Variants in XRCC4 observed in about 807,000 individuals in gnomAD.
The protein encoded by XRCC4 is X-ray repair cross complementing 4, also known as DNA repair protein XRCC4.
In XRCC4, 28 loss-of-function variants were observed where a neutral mutation model predicts 39.1. The ratio of observed to expected loss-of-function variants is 0.72; its 90% confidence interval spans 0.53 to 0.98. XRCC4 has a LOEUF of 0.98. Among genes scored for constraint, XRCC4 ranks in the 50% least tolerant of loss-of-function variants. The pLI, the probability that XRCC4 is intolerant of heterozygous loss-of-function variation, is 0.00. For synonymous variants in XRCC4, 123 were observed against 126.4 expected, an observed-to-expected ratio of 0.97 and a Z score of 0.18; for missense variants, 350 against 376.4, an observed-to-expected ratio of 0.93 and a Z score of 0.58.
intron 6 of XRCC4, among the ~76,000 whole-genome samples, chr5:83,219,421 C>A (rs1332615877): frequency 6.6e-6 from 1 of 151,942 alleles, no homozygotes; most frequent in Non-Finnish European, 1.5e-5. Context: ...GGACCATATT[C>A]CAAAAATGAT....
chr5:83,151,228 T>C (rs1580296793), intron 3 of XRCC4, among the ~76,000 whole-genome samples: 1 of 152,220 alleles, frequency 6.6e-6, no homozygotes, highest in East Asian at 1.9e-4. Flanking sequence ...AAATCATAAA[T>C]ATGACAGTAT....
chr5:83,182,019 T>G (rs1302455816), intron 3 of XRCC4, among the ~76,000 whole-genome samples: 1 of 152,178 alleles, frequency 6.6e-6, no homozygotes, highest in Non-Finnish European at 1.5e-5. Flanking sequence ...GATAGATATA[T>G]GTTAAAATAA....
intron 3 of XRCC4, among the ~76,000 whole-genome samples, chr5:83,165,746 C>T (rs1282732741): frequency 6.6e-6 from 1 of 152,104 alleles, no homozygotes; most frequent in Non-Finnish European, 1.5e-5. Flanking sequence ...ATTTGGTTTT[C>T]TGTTTCTGTA....
chr5:83,307,279 G>T (rs1426035345), intron 7 of XRCC4, among the ~76,000 whole-genome samples: 1 of 152,128 alleles, frequency 6.6e-6, no homozygotes, highest in African/African-American at 2.4e-5. Flanking sequence ...TTGATGCTTG[G>T]AGGGGCAGAG....
intron 2 of XRCC4, 106 bp downstream of exon 2, chr5:83,105,164 A>T: frequency 8.9e-7 from 1 of 1,121,356 alleles, no homozygotes; most frequent in Middle Eastern, 2.3e-4. Flanking sequence ...TATTAATTTT[A>T]CTTGCTATTG....
At chr5:83,321,372 C>G (rs1756067621) in intron 7 of XRCC4, among the ~76,000 whole-genome samples, 1 of 152,086 alleles carries the variant, frequency 6.6e-6, no homozygotes, top group South Asian at 2.1e-4. Flanking sequence ...CAATTTTCAT[C>G]AGATATTTTG....
the XRCC4 span, among the ~76,000 whole-genome samples, chr5:83,367,240 T>G: frequency 6.6e-6 from 1 of 152,230 alleles, no homozygotes; most frequent in East Asian, 1.9e-4. Context: ...TAAATCTCAC[T>G]TGAGAGGTTG....
chr5:83,144,277 G>GTGTGTGTA (rs1403764391), intron 3 of XRCC4, among the ~76,000 whole-genome samples: 1 of 138,458 alleles, frequency 7.2e-6, no homozygotes, highest in Non-Finnish European at 1.5e-5. Flanking sequence ...CTGTGTGTGT[G>GTGTGTGTA]TGTGTGTGTG....
intron 7 of XRCC4, among the ~76,000 whole-genome samples, chr5:83,285,991 C>G (rs188700494): frequency 7.7e-4 from 117 of 152,174 alleles, no homozygotes; most frequent in Non-Finnish European, 1.4e-3. Context: ...TAAGATATCC[C>G]CTGTGCTTGG....
chr5:83,194,269 G>T (rs1380703360), intron 3 of XRCC4, among the ~76,000 whole-genome samples: 1 of 152,058 alleles, frequency 6.6e-6, no homozygotes, highest in African/African-American at 2.4e-5. Context: ...CTTTAACTTT[G>T]TGTGTATATT....
At chr5:83,276,583 A>T (rs1403543564) in intron 7 of XRCC4, among the ~76,000 whole-genome samples, 1 of 152,104 alleles carries the variant, frequency 6.6e-6, no homozygotes, top group Non-Finnish European at 1.5e-5. Context: ...CAATCTCAGG[A>T]TTCTACAGAG....
chr5:83,251,197 CTGAA>C (rs1330518095), intron 6 of XRCC4, among the ~76,000 whole-genome samples: 1 of 152,082 alleles, frequency 6.6e-6, no homozygotes, highest in Non-Finnish European at 1.5e-5. Context: ...GTCTGAAGAA[CTGAA>C]TTCCTTTGGT....
At chr5:83,252,045 A>G (rs1238793458) in intron 6 of XRCC4, among the ~76,000 whole-genome samples, 1 of 152,228 alleles carries the variant, frequency 6.6e-6, no homozygotes, top group African/African-American at 2.4e-5. Flanking sequence ...ACCTCAAGAT[A>G]GGTAACTTTG....
rs767264193 is a variant in XRCC4 at position 83,258,534 on chromosome 5, T to C, written c.750T>C (p.Ala250=). The C allele has an allele frequency of 1.2e-6, 2 of 1,605,970 alleles. No homozygotes were observed. The highest frequency in any genetic ancestry group is 8.5e-7 in the Non-Finnish European group (1 of 1,177,822). ...TCTCATCTCATTTTATTTCAGCTGC[T>C]GTAAGTAAAGATGATTCCATTATTT... ...QTDLSGLASA[A]VSKDDSIISS... is the part of the protein sequence containing the mutation. The change falls in exon 7 of 8, where the codon GCT becomes GCC. Residue 250 remains alanine (A), a synonymous_variant. Transcript: ENST00000396027.
chr5:83,349,291 G>A (rs1446554816), intron 7 of XRCC4, among the ~76,000 whole-genome samples: 2 of 152,174 alleles, frequency 1.3e-5, no homozygotes, highest in African/African-American at 4.8e-5. Context: ...AGTTCAAAAA[G>A]AGATTCAGGT....
intron 7 of XRCC4, among the ~76,000 whole-genome samples, chr5:83,339,761 G>A (rs2112196162): frequency 6.6e-6 from 1 of 152,314 alleles, no homozygotes; most frequent in South Asian, 2.1e-4. Context: ...TGACAGCACA[G>A]GTCACATTCC....
chr5:83,128,227 G>C (rs1036462582), intron 3 of XRCC4, among the ~76,000 whole-genome samples: 1 of 152,022 alleles, frequency 6.6e-6, no homozygotes, highest in Non-Finnish European at 1.5e-5. Flanking sequence ...TGTGGTGCTT[G>C]GTTTTCTGTC....
intron 6 of XRCC4, among the ~76,000 whole-genome samples, chr5:83,223,090 G>T (rs1183032953): frequency 6.6e-6 from 1 of 152,080 alleles, no homozygotes; most frequent in African/African-American, 2.4e-5. Flanking sequence ...TTGTTTTGTG[G>T]TCTAACGTGT....
intron 3 of XRCC4, among the ~76,000 whole-genome samples, chr5:83,132,256 A>C (rs1747631867): frequency 6.6e-6 from 1 of 152,030 alleles, no homozygotes; most frequent in South Asian, 2.1e-4. Context: ...ATCCGCTGTT[A>C]GTCTGATGGG....
Sources: allele counts gnomAD v4.1 joint callset (sites outside exome capture counted in the v4.1 genomes callset), GRCh38; gene constraint gnomAD v4.1.1; transcripts MANE v1.5; gene names NCBI Gene and HGNC (gene_info 2026-07-23, HGNC 2026-07-21).